CEP170: variants seen among roughly 807,000 people sequenced by gnomAD.
The protein encoded by CEP170 is centrosomal protein 170.
Under a neutral mutation model 151.9 loss-of-function variants are expected in CEP170, and 21 were observed. The observed-to-expected ratio is 0.14, with a 90% CI of 0.10 to 0.20. The LOEUF is 0.20. CEP170 is among the 10% of genes least tolerant of loss of function. The probability of loss-of-function intolerance (pLI) is 1.00; values close to 1 mark genes in which losing one functional copy is unlikely to be tolerated. For synonymous variants in CEP170, 356 were observed against 648.8 expected, an observed-to-expected ratio of 0.55 and a Z score of 6.86; for missense variants, 964 against 1,892.9, an observed-to-expected ratio of 0.51 and a Z score of 9.11.
At chr1:243,156,826 C>CAA (rs57953182) in intron 13 of CEP170, 2 of 98,108 alleles carry the variant, frequency 2.0e-5, no homozygotes, top group Non-Finnish European at 4.8e-5. Context: ...ATGAATTTTT[C>CAA]AAAAAAAAAA....
intron 2 of CEP170, among the ~76,000 whole-genome samples, chr1:243,224,567 T>C (rs1158529685): frequency 2.0e-5 from 3 of 152,318 alleles, no homozygotes; most frequent in East Asian, 1.9e-4. Flanking sequence ...ACTTGTTTTA[T>C]AGTGTTTTCC....
chr1:243,221,170 G>C (rs903886634), intron 3 of CEP170, among the ~76,000 whole-genome samples: 3 of 152,088 alleles, frequency 2.0e-5, no homozygotes, highest in Non-Finnish European at 4.4e-5. Context: ...GACTACAGGA[G>C]CCCGCCACCA....
intron 12 of CEP170, among the ~76,000 whole-genome samples, chr1:243,168,946 G>A (rs2058634093): frequency 6.6e-6 from 1 of 150,642 alleles, no homozygotes. Context: ...TTGTATTTAT[G>A]AATGAAATCG....
chr1:243,170,562 G>A (rs1334755272), intron 11 of CEP170, among the ~76,000 whole-genome samples: 1 of 152,210 alleles, frequency 6.6e-6, no homozygotes, highest in African/African-American at 2.4e-5. Context: ...GGGAGACCAA[G>A]GCGGGTGGAT....
intron 19 of CEP170, among the ~76,000 whole-genome samples, chr1:243,127,403 G>T (rs1345166936): frequency 6.6e-6 from 1 of 152,152 alleles, no homozygotes; most frequent in Non-Finnish European, 1.5e-5. Context: ...TTCTCAGGCG[G>T]TGATTTTCAA....
chr1:243,134,846 A>T (rs2054854760), intron 17 of CEP170, among the ~76,000 whole-genome samples: 1 of 152,026 alleles, frequency 6.6e-6, no homozygotes, highest in Non-Finnish European at 1.5e-5. Context: ...TCAAATATGG[A>T]GGGGTCTGTC....
At chr1:243,251,651 C>G (rs1325548413) in intron 1 of CEP170, among the ~76,000 whole-genome samples, 1 of 152,110 alleles carries the variant, frequency 6.6e-6, no homozygotes, top group Non-Finnish European at 1.5e-5. Flanking sequence ...TTTTCTATAT[C>G]ATTTATTACT....
chr1:243,237,227 T>C (rs1446984999), intron 1 of CEP170, among the ~76,000 whole-genome samples: 3 of 152,204 alleles, frequency 2.0e-5, no homozygotes, highest in African/African-American at 4.8e-5. Context: ...ATAATTTTTA[T>C]AAATATCTCT....
At chr1:243,234,515 A>T (rs2064087926) in intron 1 of CEP170, among the ~76,000 whole-genome samples, 1 of 152,252 alleles carries the variant, frequency 6.6e-6, no homozygotes, top group African/African-American at 2.4e-5. Context: ...AACCAGCAGT[A>T]AAGCTTATCA....
At chr1:243,129,872 G>GA (rs1207114942) in intron 17 of CEP170, among the ~76,000 whole-genome samples, 9 of 149,350 alleles carry the variant, frequency 6.0e-5, no homozygotes, top group Non-Finnish European at 1.2e-4. Flanking sequence ...GAGAGAGAGA[G>GA]AAAAAAAAAG....
intron 3 of CEP170, among the ~76,000 whole-genome samples, chr1:243,221,030 C>CT (rs142205273): frequency 0.055 from 8,313 of 151,742 alleles, 496 homozygotes; most frequent in African/African-American, 0.15. Context: ...CTTTTCTTTT[C>CT]TTTTTTTTGA....
intron 15 of CEP170, chr1:243,140,675 T>C (rs997651385): frequency 6.6e-6 from 1 of 152,292 alleles, no homozygotes; most frequent in African/African-American, 2.4e-5. Context: ...CTAATAGAAA[T>C]GATATACTGC....
chr1:243,214,346 C>T (rs1349779301), intron 3 of CEP170, among the ~76,000 whole-genome samples: 4 of 125,672 alleles, frequency 3.2e-5, no homozygotes, highest in South Asian at 5.0e-4. Context: ...AGTGTAATGG[C>T]GTGATCTCAG....
intron 1 of CEP170, chr1:243,254,347 G>A (rs1349637341): frequency 2.0e-5 from 3 of 152,016 alleles, no homozygotes; most frequent in South Asian, 2.1e-4. Context: ...GAAGCGAAAC[G>A]TACCAAAACC....
intron 14 of CEP170, among the ~76,000 whole-genome samples, chr1:243,154,999 G>A (rs1447870386): frequency 3.9e-5 from 6 of 152,150 alleles, no homozygotes; most frequent in Admixed American, 1.3e-4. Flanking sequence ...TGCTAGCAGC[G>A]CCTGGAAGTA....
In CEP170 at chr1:243,172,697, C is replaced by G. The variant is rs2058943664; in HGVS notation, c.1716G>C (p.Glu572Asp). 1 of 1,589,518 alleles carries G rather than the reference C, an allele frequency of 6.3e-7. No homozygotes were observed. Among genetic ancestry groups the G allele is most frequent in the African/African-American group, 1.4e-5 (1 of 73,840 alleles). ...PLTTSGFHHS[E>D]EGTSSSGSKR... ...ATAGGTACACAGAAGAGATGTATAC[C>G]TCTGAGTGGTGAAATCCAGATGTAG... Residue 572 changes from glutamate (E) to aspartate (D), a missense_variant and splice_region_variant, in exon 11 of 20, where the codon GAG becomes GAC. Transcript: ENST00000366542.
chr1:243,234,188 A>G (rs1323289850), intron 1 of CEP170, among the ~76,000 whole-genome samples: 4 of 152,140 alleles, frequency 2.6e-5, no homozygotes, highest in Non-Finnish European at 5.9e-5. Flanking sequence ...ATCGGTCTAC[A>G]CAGTAGAGAA....
At position 243,129,344 on chromosome 1, in the gene CEP170, A is replaced by G; in HGVS notation, c.4413+16T>C. 1 of 1,541,770 alleles carries G rather than the reference A, an allele frequency of 6.5e-7. No homozygotes were observed. On this transcript the variant is annotated intron_variant, in intron 18 of 19. Coordinates refer to ENST00000366542, the MANE Select transcript of CEP170 (RefSeq NM_014812.3). The stretch of plus-strand genomic sequence containing the variant: ...CTCTATTAAAATGTTTTAATCTTCA[A>G]GAAAAATTACTATACCATGCTTGAG...
At chr1:243,168,396 G>C (rs1169591372) in intron 12 of CEP170, 1 of 151,884 alleles carries the variant, frequency 6.6e-6, no homozygotes, top group Non-Finnish European at 1.5e-5. Context: ...GGGTCTTTTT[G>C]CTTTTTAACT....
Sources: gnomAD v4.1 joint callset for allele counts (sites outside exome capture counted in the v4.1 genomes callset) on GRCh38, gnomAD v4.1.1 for gene constraint, MANE v1.5 for transcripts, NCBI Gene and HGNC (gene_info 2026-07-23, HGNC 2026-07-21) for gene names.